SLC30A7: variants seen among roughly 807,000 people sequenced by gnomAD.
SLC30A7 encodes solute carrier family 30 member 7, also known as zinc transporter 7.
Under a neutral mutation model 46.0 loss-of-function variants are expected in SLC30A7, and 35 were observed. That is an observed-to-expected ratio of 0.76 (90% confidence interval 0.58 to 1.01). SLC30A7 has a LOEUF of 1.01. Ranked by LOEUF, SLC30A7 falls within the 50% of genes least tolerant of loss-of-function variation. SLC30A7 has a pLI of 0.00. For synonymous variants in SLC30A7, 147 were observed against 157.8 expected (o/e 0.93, Z 0.51); for missense variants, 464 against 451.1 (o/e 1.03, Z -0.26).
In SLC30A7 at chr1:100,906,875, T is replaced by C; in HGVS notation, c.206T>C (p.Phe69Ser). 6.2e-7 allele frequency: 1 copy of C among 1,613,342 alleles called. No homozygotes were observed. Among genetic ancestry groups the C allele is most frequent in the Non-Finnish European group, 8.5e-7 (1 of 1,179,456 alleles). ...SNCLGLISDS[F>S]HMFFDSTAIL... is the part of the protein sequence containing the mutation. ...AGCTTAGGCTTGATTTCCGACTCTTTTCACATGTTTTTCGATAGCACTGCC... is the reference window on the plus strand; with the variant it reads ...AGCTTAGGCTTGATTTCCGACTCTTCTCACATGTTTTTCGATAGCACTGCC... The change falls in exon 3 of 11, where the codon TTT (phenylalanine) becomes TCT (serine). Residue 69 changes from phenylalanine (F) to serine (S), a missense_variant. Coordinates refer to ENST00000357650, the MANE Select transcript of SLC30A7 (RefSeq NM_133496.5).
downstream of SLC30A7, among the ~76,000 whole-genome samples, chr1:100,983,803 AGGCTT>A (rs1657117683): frequency 2.0e-5 from 3 of 152,196 alleles, no homozygotes; most frequent in African/African-American, 7.2e-5. Context: ...ATAGCAATTA[AGGCTT>A]GGCTTGGCCA....
At chr1:100,961,943 T>C in intron 9 of SLC30A7, 25 bp downstream of exon 9, 1 of 1,395,236 alleles carries the variant, frequency 7.2e-7, no homozygotes. Context: ...CTCCAAACCA[T>C]TGGATTTTAT....
At chr1:100,950,832 G>C (rs1210112146) in intron 8 of SLC30A7, among the ~76,000 whole-genome samples, 1 of 152,188 alleles carries the variant, frequency 6.6e-6, no homozygotes, top group Non-Finnish European at 1.5e-5. Context: ...GTCCCCCTGT[G>C]ACATGGATTC....
chr1:100,896,162 C>T lies in SLC30A7; in HGVS notation c.-101C>T. On this transcript the variant is annotated 5_prime_UTR_variant, in exon 1 of 11. Coordinates refer to ENST00000357650, the MANE Select transcript of SLC30A7 (RefSeq NM_133496.5). ...GCAGCGGCGCGCGGCCCCGGACAAG[C>T]GCTGGGGATTCCCGTTTGAGGCGTC... The T allele has an allele frequency of 2.9e-6, 3 of 1,033,970 alleles. No individual in the cohort carries two copies. The highest frequency in any genetic ancestry group is 3.7e-5 in the Admixed American group (2 of 53,426). The allele number at this position is 1,033,970 out of a possible 1,614,324, so 64.0% of individuals were successfully genotyped here.
chr1:100,982,343 A>T (rs779073559), downstream of SLC30A7, among the ~76,000 whole-genome samples: 1 of 152,170 alleles, frequency 6.6e-6, no homozygotes, highest in South Asian at 2.1e-4. Flanking sequence ...AACCATTTCC[A>T]TAGCTCCTAG....
rs1357524769 is a variant in SLC30A7 at position 100,896,230 on chromosome 1, G to A, written c.-33G>A. On this transcript the variant is annotated 5_prime_UTR_variant, in exon 1 of 11. Transcript: ENST00000357650. ...CACCCCACGGAGCCACTTCTAGAGGGGAGTAGACCCGGCCCTTCGCCGGGC... is the reference window on the plus strand; with the variant it reads ...CACCCCACGGAGCCACTTCTAGAGGAGAGTAGACCCGGCCCTTCGCCGGGC... 6.2e-7 allele frequency: 1 copy of A among 1,605,566 alleles called. No homozygotes were observed. The highest frequency in any genetic ancestry group is 1.7e-5 in the Admixed American group (1 of 60,018).
chr1:100,934,147 T>G (rs1653821553), intron 8 of SLC30A7, among the ~76,000 whole-genome samples: 1 of 152,238 alleles, frequency 6.6e-6, no homozygotes, highest in African/African-American at 2.4e-5. Flanking sequence ...TCTGGCTTTG[T>G]GACACTCAAG....
At chr1:100,970,437 A>G (rs1656094586) in intron 10 of SLC30A7, among the ~76,000 whole-genome samples, 1 of 152,008 alleles carries the variant, frequency 6.6e-6, no homozygotes, top group Admixed American at 6.6e-5. Context: ...TTAATCTTTA[A>G]CTGCTAAAGA....
rs1253076214 is a variant in SLC30A7 at position 100,906,834 on chromosome 1, G to A, written c.183-18G>A. On this transcript the variant is annotated intron_variant, in intron 2 of 10. Transcript: ENST00000357650. Reference sequence around the variant, plus strand: ...TTGGTTTTTATTATAATTTGTCAATGTGTTTGTTCTTTTCCAGCTTAGGCT... The same window carrying A: ...TTGGTTTTTATTATAATTTGTCAATATGTTTGTTCTTTTCCAGCTTAGGCT... 3.3e-6 allele frequency: 5 copies of A among 1,534,990 alleles called. No homozygotes were observed. In the African/African-American group the frequency reaches 5.5e-5, roughly 17 times the overall value.
chr1:100,929,768 G>T (rs1359738742), intron 8 of SLC30A7, among the ~76,000 whole-genome samples: 1 of 151,906 alleles, frequency 6.6e-6, no homozygotes, highest in African/African-American at 2.4e-5. Flanking sequence ...ATAAATTTTG[G>T]GGTAAAACTG....
At chr1:100,908,501 G>A (rs1671550432) in intron 3 of SLC30A7, among the ~76,000 whole-genome samples, 2 of 152,142 alleles carry the variant, frequency 1.3e-5, no homozygotes, top group South Asian at 2.1e-4. Flanking sequence ...GCTGATTTTA[G>A]TTATAAGCAA....
At chr1:100,913,540 A>C in intron 5 of SLC30A7, 123 bp from the exon 6 acceptor site, 2 of 708,812 alleles carry the variant, frequency 2.8e-6, no homozygotes. Flanking sequence ...CACTTTTTAC[A>C]AGTAAATGTT....
At chr1:100,986,722 C>CTGTA (rs1189791449), downstream of SLC30A7, among the ~76,000 whole-genome samples, 2 of 152,138 alleles carry the variant, frequency 1.3e-5, no homozygotes, top group Admixed American at 1.3e-4. Flanking sequence ...AATGGATAAA[C>CTGTA]TGTAGTCTAT....
the SLC30A7 span, among the ~76,000 whole-genome samples, chr1:100,993,946 C>A: frequency 3.3e-5 from 5 of 151,816 alleles, no homozygotes; most frequent in Non-Finnish European, 5.9e-5. Context: ...GTTTCACCAT[C>A]TTGGCCAGGC....
chr1:100,941,106 A>T, intron 8 of SLC30A7: 1 of 319,774 alleles, frequency 3.1e-6, no homozygotes, highest in Non-Finnish European at 6.1e-6. Context: ...TGCCTCCACC[A>T]CCATAGGGGC....
At chr1:100,915,383 A>T (rs188805984) in intron 6 of SLC30A7, among the ~76,000 whole-genome samples, 3 of 152,118 alleles carry the variant, frequency 2.0e-5, no homozygotes, top group African/African-American at 7.2e-5. Context: ...CCTAGGACCT[A>T]TTTATTTTGC....
chr1:100,922,097 A>C (rs1652972885), intron 8 of SLC30A7, among the ~76,000 whole-genome samples: 2 of 151,568 alleles, frequency 1.3e-5, no homozygotes, highest in South Asian at 4.2e-4. Context: ...GGGATTACAG[A>C]CAACTGCAAC....
In SLC30A7 at chr1:100,921,674, C is replaced by G. The variant is rs1384863766; in HGVS notation, c.707-32C>G. 2.6e-6 allele frequency: 4 copies of G among 1,552,024 alleles called. 1 individual carries two copies. The South Asian group carries it at 4.5e-5, about 17-fold the overall frequency. Reference sequence around the variant, plus strand: ...TTCGTATTTTAAATTAACCAAAAGACTGTTTTGATTTTTATTATGGTTTAT... The same window carrying G: ...TTCGTATTTTAAATTAACCAAAAGAGTGTTTTGATTTTTATTATGGTTTAT... On this transcript the variant is annotated intron_variant, in intron 7 of 10. Coordinates refer to ENST00000357650, the MANE Select transcript of SLC30A7 (RefSeq NM_133496.5).
intron 8 of SLC30A7, among the ~76,000 whole-genome samples, chr1:100,954,798 T>G (rs1405174277): frequency 6.6e-6 from 1 of 152,106 alleles, no homozygotes; most frequent in Non-Finnish European, 1.5e-5. Flanking sequence ...TCACTATGAA[T>G]TAATTATATT....
Sources: gnomAD v4.1 joint callset for allele counts (sites outside exome capture counted in the v4.1 genomes callset) on GRCh38, gnomAD v4.1.1 for gene constraint, MANE v1.5 for transcripts, NCBI Gene and HGNC (gene_info 2026-07-23, HGNC 2026-07-21) for gene names.